JAM3: variants seen among roughly 807,000 people sequenced by gnomAD.
JAM3 encodes the protein junctional adhesion molecule C.
JAM3 carries 31 observed loss-of-function variants against 39.4 expected under a neutral mutation model. The observed-to-expected ratio is 0.79, with a 90% CI of 0.59 to 1.06. JAM3 has a LOEUF of 1.06. JAM3 is among the 50% of genes least tolerant of loss of function. JAM3 has a pLI of 0.00. For missense variants in JAM3, 455 were observed against 391.4 expected (o/e 1.16, Z -1.37); for synonymous variants, 182 against 148.7 (o/e 1.22, Z -1.63).
chr11:134,121,050 C>T (rs1046592879), intron 1 of JAM3, among the ~76,000 whole-genome samples: 2 of 152,154 alleles, frequency 1.3e-5, no homozygotes, highest in Non-Finnish European at 2.9e-5. Flanking sequence ...AGGAGTGCCT[C>T]AGTAGGGCAT....
At chr11:134,069,607 G>T (rs11602831) in intron 1 of JAM3, among the ~76,000 whole-genome samples, 2 of 133,402 alleles carry the variant, frequency 1.5e-5, no homozygotes, top group Non-Finnish European at 3.5e-5. Context: ...CGGTGGGCTC[G>T]TCCCCGGGGT....
chr11:134,069,168 G>C lies in JAM3; in HGVS notation c.76+9G>C. Reference sequence around the variant, plus strand: ...GCTGCTGCTTTTCAGGGGTGAGTTTGCGCGTTTCCGCTGTTGGGAGACTAG... The same window carrying C: ...GCTGCTGCTTTTCAGGGGTGAGTTTCCGCGTTTCCGCTGTTGGGAGACTAG... On this transcript the variant is annotated intron_variant, in intron 1 of 8. Coordinates refer to ENST00000299106, the MANE Select transcript of JAM3 (RefSeq NM_032801.5). 6.2e-7 allele frequency: 1 copy of C among 1,612,380 alleles called. No homozygotes were observed. The highest frequency in any genetic ancestry group is 8.5e-7 in the Non-Finnish European group (1 of 1,179,176).
chr11:134,116,282 T>C (rs149720895), intron 1 of JAM3, among the ~76,000 whole-genome samples: 2 of 152,252 alleles, frequency 1.3e-5, no homozygotes, highest in South Asian at 2.1e-4. Context: ...CATTAGTGGA[T>C]GTTCCCTATA....
At chr11:134,122,858 C>G (rs987329437) in intron 1 of JAM3, among the ~76,000 whole-genome samples, 1 of 152,176 alleles carries the variant, frequency 6.6e-6, no homozygotes, top group African/African-American at 2.4e-5. Flanking sequence ...ATCAGAGTAA[C>G]GCTACAGCCC....
chr11:134,118,261 G>C (rs1006861652), intron 1 of JAM3, among the ~76,000 whole-genome samples: 1 of 152,176 alleles, frequency 6.6e-6, no homozygotes, highest in Non-Finnish European at 1.5e-5. Flanking sequence ...GTTCATCTGT[G>C]CTTTAGAGCC....
At chr11:134,078,122 TTA>T (rs1941603820) in intron 1 of JAM3, among the ~76,000 whole-genome samples, 1 of 152,016 alleles carries the variant, frequency 6.6e-6, no homozygotes, top group African/African-American at 2.4e-5. Context: ...GAGTGTTTTT[TTA>T]TTTGTTTGTT....
intron 3 of JAM3, among the ~76,000 whole-genome samples, chr11:134,144,036 C>T (rs1399612221): frequency 6.6e-6 from 1 of 152,088 alleles, no homozygotes; most frequent in African/African-American, 2.4e-5. Context: ...ACACCAGGAA[C>T]TATTTTTGGT....
intron 1 of JAM3, among the ~76,000 whole-genome samples, chr11:134,134,042 A>G (rs929361992): frequency 6.6e-6 from 1 of 152,128 alleles, no homozygotes; most frequent in Non-Finnish European, 1.5e-5. Context: ...ACAGATGGAC[A>G]GTGCAAGCAG....
At chr11:134,131,016 G>A (rs1257636488) in intron 1 of JAM3, among the ~76,000 whole-genome samples, 1 of 152,120 alleles carries the variant, frequency 6.6e-6, no homozygotes, top group Admixed American at 6.5e-5. Flanking sequence ...GAGATTCTTA[G>A]GAAATTACGA....
chr11:134,096,161 G>C (rs751848473), intron 1 of JAM3, among the ~76,000 whole-genome samples: 6 of 152,088 alleles, frequency 3.9e-5, no homozygotes, highest in South Asian at 2.1e-4. Flanking sequence ...ATTTTTAGTA[G>C]AGACGGGGTT....
chr11:134,103,297 G>C (rs1445799446), intron 1 of JAM3, among the ~76,000 whole-genome samples: 14 of 149,300 alleles, frequency 9.4e-5, no homozygotes, highest in Admixed American at 4.0e-4. Context: ...AAATCCTTTA[G>C]AGACAAGCAA....
chr11:134,117,114 C>T (rs1418279481), intron 1 of JAM3, among the ~76,000 whole-genome samples: 1 of 151,636 alleles, frequency 6.6e-6, no homozygotes, highest in Non-Finnish European at 1.5e-5. Flanking sequence ...GTAATCCCAG[C>T]ACTTTGGGAG....
chr11:134,137,126 AAG>A (rs200048914), intron 1 of JAM3, among the ~76,000 whole-genome samples: 21,277 of 138,666 alleles, frequency 0.15, 1,460 homozygotes, highest in African/African-American at 0.27. Context: ...AAAAAAAAAA[AAG>A]AAGAAGAAGT....
At chr11:134,091,937 C>A (rs1941866330) in intron 1 of JAM3, among the ~76,000 whole-genome samples, 1 of 151,396 alleles carries the variant, frequency 6.6e-6, no homozygotes, top group African/African-American at 2.4e-5. Flanking sequence ...ACTATCAGGG[C>A]AGTATTGCAA....
At position 134,107,233 on chromosome 11, in the gene JAM3, CA is replaced by C. The variant is rs199936524; in HGVS notation, c.77-32612del. ...CATTCTCAGCAAACTATCGCAAGGA[CA>C]AAAAACCAAACACCGCATGTTGTCA... On this transcript the variant is annotated intron_variant, in intron 1 of 8. Coordinates refer to ENST00000299106, the MANE Select transcript of JAM3 (RefSeq NM_032801.5). 4.7e-4 allele frequency among the ~76,000 whole-genome samples: 71 copies of C among 151,938 alleles called. 1 individual carries two copies. The East Asian group carries it at 0.012, about 26-fold the overall frequency.
chr11:134,071,908 G>T (rs942137514), intron 1 of JAM3, among the ~76,000 whole-genome samples: 1 of 152,168 alleles, frequency 6.6e-6, no homozygotes, highest in Non-Finnish European at 1.5e-5. Context: ...ATGACTTGTT[G>T]ATGGGCATTT....
At chr11:134,148,121 A>G in intron 6 of JAM3, 1 of 239,360 alleles carries the variant, frequency 4.2e-6, no homozygotes, top group South Asian at 6.0e-5. Flanking sequence ...TAAGGCTTGA[A>G]GCTACCTTTC....
chr11:134,112,608 A>G (rs1419886444), intron 1 of JAM3, among the ~76,000 whole-genome samples: 1 of 152,164 alleles, frequency 6.6e-6, no homozygotes, highest in Non-Finnish European at 1.5e-5. Flanking sequence ...CCTTACCAAC[A>G]CTGAACTTTT....
At chr11:134,100,995 C>T (rs966425398) in intron 1 of JAM3, among the ~76,000 whole-genome samples, 1 of 152,024 alleles carries the variant, frequency 6.6e-6, no homozygotes, top group East Asian at 1.9e-4. Context: ...TTCAATAAAC[C>T]ATTCTCGGTA....
Sources: gnomAD v4.1 joint callset for allele counts (sites outside exome capture counted in the v4.1 genomes callset) on GRCh38, gnomAD v4.1.1 for gene constraint, MANE v1.5 for transcripts, NCBI Gene and HGNC (gene_info 2026-07-23, HGNC 2026-07-21) for gene names.